KIRREL2: variants seen among roughly 807,000 people sequenced by gnomAD.
The protein encoded by KIRREL2 is kirre like nephrin family adhesion molecule 2.
In KIRREL2, 56 loss-of-function variants were observed where a neutral mutation model predicts 73.4. That is an observed-to-expected ratio of 0.76 (90% CI 0.62 to 0.95). KIRREL2 has a LOEUF of 0.95. KIRREL2 is among the 40% of genes least tolerant of loss of function. The probability of loss-of-function intolerance (pLI) is 0.00; values close to 1 mark genes in which losing one functional copy is unlikely to be tolerated. For missense variants in KIRREL2, 896 were observed against 935.0 expected (o/e 0.96, Z 0.54); for synonymous variants, 407 against 404.0 (o/e 1.01, Z -0.09).
In KIRREL2 at chr19:35,866,391, C is replaced by A. The variant is rs1192789809; in HGVS notation, c.2026C>A (p.Pro676Thr). 1.2e-6 allele frequency: 2 copies of A among 1,613,632 alleles called. No homozygotes were observed. Among genetic ancestry groups the A allele is most frequent in the Non-Finnish European group, 1.7e-6 (2 of 1,179,622 alleles). Reference protein sequence around the residue: ...HPRAFTSYIKPTSFGPPDLAP... With the variant: ...HPRAFTSYIKTTSFGPPDLAP... The stretch of plus-strand genomic sequence containing the variant: ...TCGAGCTTTCACCAGCTACATCAAA[C>A]CCACATCCTTTGGGCCCCCAGATCT... Residue 676 changes from proline (P) to threonine (T), a missense_variant, in exon 15 of 15, where the codon CCC becomes ACC. Coordinates refer to ENST00000360202, the MANE Select transcript of KIRREL2 (RefSeq NM_199180.4).
chr19:35,861,588 G>T lies in KIRREL2; in HGVS notation c.1237G>T (p.Gly413Cys), dbSNP rs1273328257. 1 of 1,613,370 alleles carries T rather than the reference G, an allele frequency of 6.2e-7. No individual in the cohort carries two copies. The highest frequency in any genetic ancestry group is 8.5e-7 in the Non-Finnish European group (1 of 1,179,800). The change falls in exon 10 of 15, where the codon GGC (glycine) becomes TGC (cysteine). Residue 413 changes from glycine (G) to cysteine (C), a missense_variant. Coordinates refer to ENST00000360202, the MANE Select transcript of KIRREL2 (RefSeq NM_199180.4). ...ALHSAPAFLR[G>C]PARLQCLVFA... ...GCACTCTGCGCCTGCCTTCCTGAGG[G>T]GCCCTGCTCGCCTCCAGTGTCTGGT...
Position 35,861,117 on chromosome 19 carries a change from C to T in KIRREL2, c.1057-5C>T. On this transcript the variant is annotated splice_polypyrimidine_tract_variant and splice_region_variant and intron_variant, in intron 8 of 14. Coordinates refer to ENST00000360202, the MANE Select transcript of KIRREL2 (RefSeq NM_199180.4). The stretch of plus-strand genomic sequence containing the variant: ...CCGGCTTCTGACGCCCCTTCCCTGT[C>T]GCAGGTGCTGGGCTCTGGAGCCACA... The T allele has an allele frequency of 6.2e-7, 1 of 1,606,846 alleles. No homozygotes were observed. Among genetic ancestry groups the T allele is most frequent in the Non-Finnish European group, 8.5e-7 (1 of 1,177,510 alleles).
rs764209338 is a variant in KIRREL2, at chr19:35,861,823, G to T, written c.1309G>T (p.Gly437Cys). ...CCCCCAGGTCTGGTCTTGGGATGAG[G>T]GCTTCCTGGAGGCGGGGTCGCAGGG... ...PDAVVWSWDE[G>C]FLEAGSQGRF... Residue 437 changes from glycine to cysteine, a missense_variant, in exon 11 of 15, where the codon GGC (glycine) becomes TGC (cysteine). Gly to Cys is a radical substitution (Grantham distance 159). Coordinates refer to ENST00000360202, the MANE Select transcript of KIRREL2 (RefSeq NM_199180.4). 6.3e-7 allele frequency: 1 copy of T among 1,587,960 alleles called. No individual in the cohort carries two copies. The highest frequency in any genetic ancestry group is 8.6e-7 in the Non-Finnish European group (1 of 1,167,072).
upstream of KIRREL2, among the ~76,000 whole-genome samples, chr19:35,852,468 T>C (rs1436011984): frequency 6.6e-6 from 1 of 152,010 alleles, no homozygotes; most frequent in Non-Finnish European, 1.5e-5. Context: ...ACTGGCAGAG[T>C]CAGCCCTGCT....
At chr19:35,864,033 C>G (rs1312157354) in intron 13 of KIRREL2, among the ~76,000 whole-genome samples, 2 of 152,096 alleles carry the variant, frequency 1.3e-5, no homozygotes, top group Non-Finnish European at 2.9e-5. Flanking sequence ...TCTCGGCCTC[C>G]CAAAGTGCTG....
intron 12 of KIRREL2, 40 bp downstream of exon 12, chr19:35,862,637 C>T (rs1415931888): frequency 6.2e-6 from 9 of 1,462,870 alleles, no homozygotes; most frequent in Non-Finnish European, 8.5e-6. Flanking sequence ...GAGGCCCCAG[C>T]CCCACACGCG....
chr19:35,853,836 T>A (rs1467368660), upstream of KIRREL2, among the ~76,000 whole-genome samples: 3 of 121,844 alleles, frequency 2.5e-5, no homozygotes, highest in African/African-American at 7.2e-5. Context: ...CCACTCTGGC[T>A]ATTTTTTTTT....
In KIRREL2 at chr19:35,860,896, C is replaced by T; in HGVS notation, c.929-13C>T. 1 of 1,613,574 alleles carries T rather than the reference C, an allele frequency of 6.2e-7. No homozygotes were observed. The highest frequency in any genetic ancestry group is 1.7e-4 in the Middle Eastern group (1 of 6,058). Reference sequence around the variant, plus strand: ...CCGCCCCGGCCATGTGACCCCTAGTCTCTTTCGTCCAGTTGGGCCGATTCT... The same window carrying T: ...CCGCCCCGGCCATGTGACCCCTAGTTTCTTTCGTCCAGTTGGGCCGATTCT... On this transcript the variant is annotated splice_polypyrimidine_tract_variant and intron_variant, in intron 7 of 14. Coordinates refer to ENST00000360202, the MANE Select transcript of KIRREL2 (RefSeq NM_199180.4).
chr19:35,861,856 C>T lies in KIRREL2; in HGVS notation c.1342C>T (p.Leu448=). Residue 448 remains leucine, a synonymous_variant, in exon 11 of 15, where the codon CTG becomes TTG. Coordinates refer to ENST00000360202, the MANE Select transcript of KIRREL2 (RefSeq NM_199180.4). The stretch of plus-strand genomic sequence containing the variant: ...GGAGGCGGGGTCGCAGGGCCGGTTC[C>T]TGGTGGAGACATTCCCTGCCCCAGA... ...FLEAGSQGRF[L]VETFPAPESR... 1 of 1,590,272 alleles carries T rather than the reference C, an allele frequency of 6.3e-7. No homozygotes were observed. The highest frequency in any genetic ancestry group is 8.6e-7 in the Non-Finnish European group (1 of 1,168,500).
Position 35,860,213 on chromosome 19 carries a change from G to A in KIRREL2, c.674-84G>A, listed in dbSNP as rs548687431. 1.9e-5 allele frequency: 21 copies of A among 1,127,066 alleles called. 1 individual carries two copies. Among genetic ancestry groups the A allele is most frequent in the Non-Finnish European group, 1.3e-6 (1 of 769,602 alleles). 69.8% of individuals were successfully genotyped at this position (1,127,066 alleles called of 1,614,324 possible). A position where few individuals can be genotyped will look rare whatever the true frequency, so the allele number is the denominator to read the frequency against. On this transcript the variant is annotated intron_variant, in intron 5 of 14. Coordinates refer to ENST00000360202, the MANE Select transcript of KIRREL2 (RefSeq NM_199180.4). ...GATTAGGGGCCCAGACTCCTGGGAT[G>A]GAGGAACCAGGGACTGGACACCTAG...
intron 4 of KIRREL2, 45 bp from the exon 5 acceptor site, chr19:35,859,436 C>T (rs1385116029): frequency 6.3e-7 from 1 of 1,587,370 alleles, no homozygotes; most frequent in Non-Finnish European, 8.6e-7. Context: ...AGATTGGACA[C>T]CCCTGATGGG....
upstream of KIRREL2, among the ~76,000 whole-genome samples, chr19:35,854,543 G>A (rs1973363444): frequency 6.6e-6 from 1 of 151,974 alleles, no homozygotes; most frequent in African/African-American, 2.4e-5. Context: ...GGCTGGTCTC[G>A]AACTCCTGAC....
chr19:35,865,270 G>C (rs1057456786), intron 14 of KIRREL2, among the ~76,000 whole-genome samples: 4 of 143,254 alleles, frequency 2.8e-5, no homozygotes, highest in Admixed American at 1.5e-4. Flanking sequence ...CTGCCTCCTG[G>C]GTTCAAGCCA....
chr19:35,851,744 A>G, upstream of KIRREL2: 2 of 1,558,152 alleles, frequency 1.3e-6, no homozygotes, highest in Non-Finnish European at 1.7e-6. Flanking sequence ...AATGGGGGCC[A>G]CTTGGCGCTG....
In KIRREL2 at chr19:35,861,647, G is replaced by A. The variant is rs375082847; in HGVS notation, c.1290+6G>A. On this transcript the variant is annotated splice_donor_region_variant and intron_variant, in intron 10 of 14. Coordinates refer to ENST00000360202, the MANE Select transcript of KIRREL2 (RefSeq NM_199180.4). ...CTCCCGCCCCAGATGCCGTGGTAAG[G>A]AAATGTCACTCCTCCCGTGACCCAT... 1.2e-6 allele frequency: 2 copies of A among 1,612,490 alleles called. No homozygotes were observed. The highest frequency in any genetic ancestry group is 2.2e-5 in the East Asian group (1 of 44,864).
At chr19:35,864,748 T>C (rs989782709) in intron 14 of KIRREL2, 35 bp downstream of exon 14, 1 of 1,505,826 alleles carries the variant, frequency 6.6e-7, no homozygotes, top group Admixed American at 1.7e-5. Flanking sequence ...CCCTTCACTG[T>C]TGGGAGAGGC....
chr19:35,855,653 CCATACACA>C (rs1209867245), upstream of KIRREL2, among the ~76,000 whole-genome samples: 3 of 87,386 alleles, frequency 3.4e-5, no homozygotes, highest in Non-Finnish European at 4.8e-5. Flanking sequence ...CCGCACCTCC[CCATACACA>C]CACACACACA....
In KIRREL2 at chr19:35,861,585, A is replaced by C; in HGVS notation, c.1234A>C (p.Arg412=). Residue 412 remains arginine (R), a synonymous_variant, in exon 10 of 15, where the codon AGG becomes CGG. Coordinates refer to ENST00000360202, the MANE Select transcript of KIRREL2 (RefSeq NM_199180.4). ...TALHSAPAFL[R]GPARLQCLVF... ...CCTGCACTCTGCGCCTGCCTTCCTGAGGGGCCCTGCTCGCCTCCAGTGTCT... is the reference window on the plus strand; with the variant it reads ...CCTGCACTCTGCGCCTGCCTTCCTGCGGGGCCCTGCTCGCCTCCAGTGTCT... 6.2e-7 allele frequency: 1 copy of C among 1,613,414 alleles called. No individual in the cohort carries two copies. Among genetic ancestry groups the C allele is most frequent in the Non-Finnish European group, 8.5e-7 (1 of 1,179,824 alleles).
In KIRREL2 at chr19:35,858,807, C is replaced by G. The variant is rs890035332; in HGVS notation, c.465C>G (p.Thr155=). The change falls in exon 4 of 15, where the codon ACC becomes ACG. Residue 155 remains threonine (T), a synonymous_variant. Transcript: ENST00000360202. ...TCRSRGDARP[T]PELLWFRDGV... ...GGAGCCGTGGGGATGCCCGCCCTACCCCTGAATTGCTGTGGTTCCGAGATG... is the reference window on the plus strand; with the variant it reads ...GGAGCCGTGGGGATGCCCGCCCTACGCCTGAATTGCTGTGGTTCCGAGATG... 6.2e-7 allele frequency: 1 copy of G among 1,614,142 alleles called. No homozygotes were observed. Among genetic ancestry groups the G allele is most frequent in the Non-Finnish European group, 8.5e-7 (1 of 1,180,030 alleles).
Sources: allele counts gnomAD v4.1 joint callset (sites outside exome capture counted in the v4.1 genomes callset), GRCh38; gene constraint gnomAD v4.1.1; transcripts MANE v1.5; gene names NCBI Gene and HGNC (gene_info 2026-07-23, HGNC 2026-07-21).